Variants in ST7 observed in about 807,000 individuals in gnomAD.
ST7 encodes the protein suppression of tumorigenicity 7, also known as suppressor of tumorigenicity 7 protein.
In ST7, 28 loss-of-function variants were observed where a neutral mutation model predicts 78.7. That is an observed-to-expected ratio of 0.36 (90% CI 0.26 to 0.49). ST7 has a LOEUF of 0.49. ST7 is among the 20% of genes least tolerant of loss of function. The pLI is 0.99. For synonymous variants in ST7, 247 were observed against 249.6 expected, an observed-to-expected ratio of 0.99 and a Z score of 0.10; for missense variants, 418 against 696.0, an observed-to-expected ratio of 0.60 and a Z score of 4.49.
chr7:117,179,755 G>T (rs1384349667), intron 10 of ST7, among the ~76,000 whole-genome samples: 1 of 152,006 alleles, frequency 6.6e-6, no homozygotes, highest in African/African-American at 2.4e-5. Context: ...TATTTTATGG[G>T]CCCTGGAGAG....
rs1366812893 is a variant in ST7, at chr7:117,097,904, ATATAT to A, written c.152-1856_152-1852del. Among the ~76,000 whole-genome samples, 33 of 33,698 alleles carry A rather than the reference ATATAT, an allele frequency of 9.8e-4. 1 individual carries two copies. Among genetic ancestry groups the A allele is most frequent in the African/African-American group, 3.0e-3 (31 of 10,326 alleles). 22.1% of individuals were successfully genotyped at this position (33,698 alleles called of 152,430 possible). A position where few individuals can be genotyped will look rare whatever the true frequency, so the allele number is the denominator to read the frequency against. On this transcript the variant is annotated intron_variant, in intron 1 of 15. Transcript: ENST00000323984. ...ACTATATATATATATATATATATAT[ATATAT>A]TTTTTTTTTTTTTTTTTTTGATGGC...
chr7:117,116,889 A>T (rs1802933343), intron 2 of ST7, among the ~76,000 whole-genome samples: 1 of 152,208 alleles, frequency 6.6e-6, no homozygotes, highest in Non-Finnish European at 1.5e-5. Context: ...AGGATGAATA[A>T]TCTGGTCCCA....
intron 5 of ST7, among the ~76,000 whole-genome samples, chr7:117,131,657 A>G (rs1157810362): frequency 6.6e-6 from 1 of 151,930 alleles, no homozygotes; most frequent in Non-Finnish European, 1.5e-5. Flanking sequence ...TGATTTCCTT[A>G]GCCTGTAGTT....
chr7:116,965,247 G>A (rs969792450), intron 1 of ST7, among the ~76,000 whole-genome samples: 4 of 151,868 alleles, frequency 2.6e-5, no homozygotes, highest in South Asian at 2.1e-4. Context: ...GGCTGAGGCC[G>A]GAGAATGGCG....
chr7:117,144,779 T>G (rs1185504355), intron 9 of ST7, among the ~76,000 whole-genome samples: 1 of 152,218 alleles, frequency 6.6e-6, no homozygotes, highest in East Asian at 1.9e-4. Flanking sequence ...TATAGCTGTC[T>G]ATTTTTTGTA....
At chr7:117,163,423 G>A (rs1257727699) in intron 9 of ST7, among the ~76,000 whole-genome samples, 1 of 151,972 alleles carries the variant, frequency 6.6e-6, no homozygotes, top group Non-Finnish European at 1.5e-5. Context: ...CCTTTTTTCT[G>A]CATTCTCGCC....
At chr7:117,012,578 CT>C (rs1795432647) in intron 1 of ST7, among the ~76,000 whole-genome samples, 1 of 151,928 alleles carries the variant, frequency 6.6e-6, no homozygotes, top group South Asian at 2.1e-4. Flanking sequence ...TGATCTAGGC[CT>C]TTTGTCAATT....
intron 1 of ST7, among the ~76,000 whole-genome samples, chr7:116,994,127 A>G (rs539172302): frequency 5.3e-5 from 8 of 152,160 alleles, no homozygotes; most frequent in Non-Finnish European, 1.0e-4. Flanking sequence ...ATTTTCACCA[A>G]CTGAAACGTT....
intron 2 of ST7, among the ~76,000 whole-genome samples, chr7:117,101,984 T>C (rs1801598515): frequency 6.6e-6 from 1 of 152,178 alleles, no homozygotes. Context: ...TAAATACTAA[T>C]CTGTTCACCT....
intron 1 of ST7, among the ~76,000 whole-genome samples, chr7:117,014,610 T>G (rs981803705): frequency 5.3e-5 from 8 of 152,246 alleles, no homozygotes; most frequent in Non-Finnish European, 8.8e-5. Context: ...GTTATGTGGC[T>G]TCTTTCATAT....
chr7:117,038,248 A>C (rs1297886829), intron 1 of ST7, among the ~76,000 whole-genome samples: 3 of 152,196 alleles, frequency 2.0e-5, no homozygotes, highest in Non-Finnish European at 4.4e-5. Flanking sequence ...GGGTAGTTTT[A>C]GTCTACCTTG....
chr7:117,054,930 G>A (rs1797988016), intron 1 of ST7, among the ~76,000 whole-genome samples: 1 of 152,098 alleles, frequency 6.6e-6, no homozygotes, highest in Admixed American at 6.6e-5. Flanking sequence ...TGTGTGTGGT[G>A]GTAATGTGGT....
At chr7:117,131,338 C>T (rs1461095161) in intron 5 of ST7, among the ~76,000 whole-genome samples, 1 of 151,732 alleles carries the variant, frequency 6.6e-6, no homozygotes. Flanking sequence ...AGCTTCCCAC[C>T]ATATGTTCAG....
intron 12 of ST7, among the ~76,000 whole-genome samples, 185 bp from the exon 13 acceptor site, chr7:117,209,602 C>A (rs935918821): frequency 6.6e-6 from 1 of 152,222 alleles, no homozygotes; most frequent in Non-Finnish European, 1.5e-5. Context: ...CAAGGCTAAT[C>A]ATCTGTCAGC....
intron 1 of ST7, among the ~76,000 whole-genome samples, chr7:117,052,536 G>T (rs1323647006): frequency 6.6e-6 from 1 of 152,212 alleles, no homozygotes; most frequent in Non-Finnish European, 1.5e-5. Context: ...AAATTGGAAA[G>T]TAGAGAATTT....
In ST7 at chr7:117,207,664, T is replaced by TA. The variant is rs558605956; in HGVS notation, c.1255-2122dup. ...CAGGGGCTTTAAGAAGATTTCTGTA[T>TA]ACCTGGGACACATGAGTTAGTTGTT... On this transcript the variant is annotated intron_variant, in intron 12 of 15. Coordinates refer to ENST00000323984, the MANE Select transcript of ST7 (RefSeq NM_001369598.1). 4.2e-3 allele frequency among the ~76,000 whole-genome samples: 633 copies of TA among 152,350 alleles called. 8 individuals are homozygous for TA. Among genetic ancestry groups the TA allele is most frequent in the African/African-American group, 0.014 (601 of 41,578 alleles).
intron 9 of ST7, among the ~76,000 whole-genome samples, chr7:117,140,585 T>A (rs1266468901): frequency 3.9e-5 from 6 of 152,122 alleles, no homozygotes; most frequent in Non-Finnish European, 8.8e-5. Context: ...TATTTCTAAT[T>A]TATTTTTCTT....
chr7:116,996,899 G>A (rs920049887), intron 1 of ST7, among the ~76,000 whole-genome samples: 1 of 152,222 alleles, frequency 6.6e-6, no homozygotes, highest in African/African-American at 2.4e-5. Flanking sequence ...TCGATAGCCA[G>A]TAGGAGAAAT....
chr7:116,994,699 C>G lies in ST7; in HGVS notation c.151+41008C>G, dbSNP rs1235764943. Among the ~76,000 whole-genome samples the G allele has an allele frequency of 2.0e-5, 3 of 152,126 alleles. No individual in the cohort carries two copies. In the East Asian group the frequency reaches 5.8e-4, roughly 29 times the overall value. ...GACTATTAAAAATGAATTCATTAAC[C>G]ATTCGAGGGAATACTTCGACATTGG... On this transcript the variant is annotated intron_variant, in intron 1 of 15. Coordinates refer to ENST00000323984, the MANE Select transcript of ST7 (RefSeq NM_001369598.1).
Sources: gnomAD v4.1 joint callset for allele counts (sites outside exome capture counted in the v4.1 genomes callset) on GRCh38, gnomAD v4.1.1 for gene constraint, MANE v1.5 for transcripts, NCBI Gene and HGNC (gene_info 2026-07-23, HGNC 2026-07-21) for gene names.